SIPA1L1: variants seen among roughly 807,000 people sequenced by gnomAD.
SIPA1L1 encodes signal induced proliferation associated 1 like 1, also known as signal-induced proliferation-associated 1-like protein 1.
SIPA1L1 carries 26 observed loss-of-function variants against 162.7 expected under a neutral mutation model. The ratio of observed to expected loss-of-function variants is 0.16; its 90% CI spans 0.12 to 0.22. The LOEUF (loss-of-function observed/expected upper bound fraction) is 0.22, where lower values mean the gene tolerates loss of function less well. SIPA1L1 is among the 10% of genes least tolerant of loss of function. The pLI, the probability that SIPA1L1 is intolerant of heterozygous loss-of-function variation, is 1.00. For missense variants in SIPA1L1, 1,874 were observed against 2,241.0 expected, an observed-to-expected ratio of 0.84 and a Z score of 3.31; for synonymous variants, 829 against 837.4, an observed-to-expected ratio of 0.99 and a Z score of 0.17.
At chr14:71,424,334 A>T (rs1191907674) in intron 2 of SIPA1L1, among the ~76,000 whole-genome samples, 1 of 152,100 alleles carries the variant, frequency 6.6e-6, no homozygotes, top group Non-Finnish European at 1.5e-5. Flanking sequence ...GAAAGCATGC[A>T]TTCTTGCCTT....
chr14:71,324,790 C>G (rs1472860681), intron 2 of SIPA1L1, among the ~76,000 whole-genome samples: 1 of 152,138 alleles, frequency 6.6e-6, no homozygotes. Flanking sequence ...GGTGTACCAT[C>G]CTTGTTTCTG....
chr14:71,499,876 G>A (rs1211407552), intron 2 of SIPA1L1, among the ~76,000 whole-genome samples: 1 of 152,126 alleles, frequency 6.6e-6, no homozygotes, highest in Non-Finnish European at 1.5e-5. Context: ...TAATTGAGAA[G>A]GAGGTCATTG....
chr14:71,727,204 G>A (rs1396300527), intron 19 of SIPA1L1, among the ~76,000 whole-genome samples: 2 of 152,110 alleles, frequency 1.3e-5, no homozygotes, highest in African/African-American at 4.8e-5. Flanking sequence ...TAGTGCCAGT[G>A]CTCTCAGGTA....
chr14:71,477,507 A>G (rs946186921), intron 2 of SIPA1L1, among the ~76,000 whole-genome samples: 1 of 152,070 alleles, frequency 6.6e-6, no homozygotes, highest in Non-Finnish European at 1.5e-5. Context: ...TAATTAATCA[A>G]TTAATTAATT....
At chr14:71,645,491 G>A (rs1313266365) in intron 7 of SIPA1L1, among the ~76,000 whole-genome samples, 1 of 152,184 alleles carries the variant, frequency 6.6e-6, no homozygotes, top group Non-Finnish European at 1.5e-5. Context: ...CTATCATAAA[G>A]CACTTTAGTA....
At chr14:71,608,485 A>T (rs147506150) in intron 5 of SIPA1L1, among the ~76,000 whole-genome samples, 37 of 152,296 alleles carry the variant, frequency 2.4e-4, no homozygotes, top group Non-Finnish European at 2.6e-4. Flanking sequence ...TCCTAAGCTA[A>T]TGTTTGAATT....
At chr14:71,676,237 A>T (rs2045160550) in intron 12 of SIPA1L1, among the ~76,000 whole-genome samples, 1 of 151,640 alleles carries the variant, frequency 6.6e-6, no homozygotes, top group Non-Finnish European at 1.5e-5. Context: ...GGTTGCAATG[A>T]GCTGAGATCG....
At chr14:71,675,987 A>G (rs914359383) in intron 12 of SIPA1L1, among the ~76,000 whole-genome samples, 1 of 151,196 alleles carries the variant, frequency 6.6e-6, no homozygotes, top group Admixed American at 6.6e-5. Context: ...CTTAAATAAC[A>G]TGTAAAAGCC....
intron 7 of SIPA1L1, among the ~76,000 whole-genome samples, chr14:71,641,445 G>A (rs559754352): frequency 2.0e-5 from 3 of 152,248 alleles, no homozygotes; most frequent in South Asian, 4.1e-4. Flanking sequence ...AGTAGAGGCC[G>A]GGCGTGGTGG....
intron 2 of SIPA1L1, among the ~76,000 whole-genome samples, chr14:71,401,799 A>G (rs1259404504): frequency 1.2e-4 from 19 of 152,160 alleles, no homozygotes; most frequent in Admixed American, 1.2e-3. Flanking sequence ...AAAAAAATTT[A>G]CCAGTAATCT....
chr14:71,638,257 C>T (rs2041361963), intron 7 of SIPA1L1, among the ~76,000 whole-genome samples: 1 of 151,774 alleles, frequency 6.6e-6, no homozygotes, highest in Non-Finnish European at 1.5e-5. Context: ...AAACTACTGA[C>T]CACATCCCTC....
At chr14:71,396,041 C>A (rs977039032) in intron 2 of SIPA1L1, among the ~76,000 whole-genome samples, 43 of 152,104 alleles carry the variant, frequency 2.8e-4, no homozygotes, top group Non-Finnish European at 1.2e-4. Context: ...GAGAAGGGAA[C>A]ATAGTAGCTT....
At chr14:71,459,003 C>T (rs1340305582) in intron 2 of SIPA1L1, among the ~76,000 whole-genome samples, 1 of 150,892 alleles carries the variant, frequency 6.6e-6, no homozygotes, top group Non-Finnish European at 1.5e-5. Context: ...ACCTGGGAGG[C>T]AGAGTTTGCA....
At chr14:71,690,809 A>G (rs948162363) in intron 13 of SIPA1L1, among the ~76,000 whole-genome samples, 1 of 152,180 alleles carries the variant, frequency 6.6e-6, no homozygotes, top group African/African-American at 2.4e-5. Flanking sequence ...TGTCATCTGT[A>G]TGTGGGCAGT....
chr14:71,539,890 A>G (rs1242828234), intron 4 of SIPA1L1, among the ~76,000 whole-genome samples: 3 of 152,134 alleles, frequency 2.0e-5, no homozygotes, highest in Non-Finnish European at 2.9e-5. Context: ...AAGCAGAACT[A>G]TTGTCTATAT....
chr14:71,343,850 A>G (rs1454221213), intron 2 of SIPA1L1, among the ~76,000 whole-genome samples: 1 of 152,202 alleles, frequency 6.6e-6, no homozygotes, highest in Non-Finnish European at 1.5e-5. Context: ...TTAGATTTCC[A>G]AGTTACAAGT....
At chr14:71,463,894 C>T (rs963203636) in intron 2 of SIPA1L1, among the ~76,000 whole-genome samples, 1 of 152,228 alleles carries the variant, frequency 6.6e-6, no homozygotes, top group Non-Finnish European at 1.5e-5. Context: ...CACTTTGCCT[C>T]TGCTGCCCAT....
chr14:71,712,275 T>C lies in SIPA1L1; in HGVS notation c.4208+2611T>C, dbSNP rs1295610579. Among the ~76,000 whole-genome samples the C allele has an allele frequency of 3.3e-5, 5 of 152,188 alleles. No individual in the cohort carries two copies. In the East Asian group the frequency reaches 9.7e-4, roughly 29 times the overall value. On this transcript the variant is annotated intron_variant, in intron 17 of 23. Transcript: ENST00000381232. ...CCCTCTTGATGATCATGCAGATCTT[T>C]TGTAGCTCCTCATGAGAGCTACATT...
At chr14:71,643,150 TAA>T (rs2041874943) in intron 7 of SIPA1L1, among the ~76,000 whole-genome samples, 2 of 151,984 alleles carry the variant, frequency 1.3e-5, no homozygotes, top group African/African-American at 4.8e-5. Flanking sequence ...GCCCTAAGAA[TAA>T]GAAGCATGCA....
Sources: gnomAD v4.1 joint callset for allele counts (sites outside exome capture counted in the v4.1 genomes callset) on GRCh38, gnomAD v4.1.1 for gene constraint, MANE v1.5 for transcripts, NCBI Gene and HGNC (gene_info 2026-07-23, HGNC 2026-07-21) for gene names.